Variants in P2RY12 observed in about 807,000 individuals in gnomAD.
P2RY12 encodes purinergic receptor P2Y12.
Under a neutral mutation model 4.5 loss-of-function variants are expected in P2RY12, and 3 were observed. The ratio of observed to expected loss-of-function variants is 0.67; its 90% CI spans 0.31 to 1.74. The LOEUF (loss-of-function observed/expected upper bound fraction) is 1.74, where lower values mean the gene tolerates loss of function less well. Ranked by LOEUF, P2RY12 falls within the 40% of genes most tolerant of loss-of-function variation. P2RY12 has a pLI of 0.09. For missense variants in P2RY12, 356 were observed against 407.8 expected (o/e 0.87, Z 1.09); for synonymous variants, 148 against 154.1 (o/e 0.96, Z 0.29).
chr3:151,344,779 C>T (rs1441090002), intron 1 of P2RY12, among the ~76,000 whole-genome samples: 2 of 152,180 alleles, frequency 1.3e-5, no homozygotes, highest in Non-Finnish European at 2.9e-5. Flanking sequence ...TTCATTTTTC[C>T]TTAAGGACAT....
At chr3:151,369,132 A>C (rs1197089422) in intron 1 of P2RY12, among the ~76,000 whole-genome samples, 1 of 152,200 alleles carries the variant, frequency 6.6e-6, no homozygotes, top group Non-Finnish European at 1.5e-5. Flanking sequence ...TCTGCTCCTA[A>C]AGATCATTTC....
chr3:151,354,165 G>A (rs1438536908), intron 1 of P2RY12, among the ~76,000 whole-genome samples: 954 of 76,276 alleles, frequency 0.013, no homozygotes, highest in East Asian at 0.045. Context: ...AAAAAAAAAA[G>A]AATCACAGTG....
At chr3:151,355,044 T>TA (rs981990195) in intron 1 of P2RY12, 60 of 1,044,448 alleles carry the variant, frequency 5.7e-5, no homozygotes, top group African/African-American at 8.0e-5. Flanking sequence ...TGCTATACTT[T>TA]AAAAAAAAGT....
chr3:151,368,629 T>TATTTC (rs1159385723), intron 1 of P2RY12, among the ~76,000 whole-genome samples: 7 of 92,902 alleles, frequency 7.5e-5, no homozygotes, highest in Middle Eastern at 0.011. Context: ...TATTTTATTT[T>TATTTC]ATTTCATTTC....
At chr3:151,365,057 C>T (rs1483994910) in intron 1 of P2RY12, 2 of 1,614,094 alleles carry the variant, frequency 1.2e-6, no homozygotes, top group Non-Finnish European at 1.7e-6. Flanking sequence ...GGGATCCAGA[C>T]TTCATGATGG....
chr3:151,384,018 A>AG, intron 1 of P2RY12: 2 of 1,541,844 alleles, frequency 1.3e-6, no homozygotes, highest in Admixed American at 3.8e-5. Context: ...TTGAATAAAA[A>AG]TACTCAGTTA....
chr3:151,380,076 CT>C, intron 1 of P2RY12: 2 of 1,289,112 alleles, frequency 1.6e-6, no homozygotes, highest in Non-Finnish European at 2.2e-6. Flanking sequence ...TGCATTATTT[CT>C]AACTAGATCT....
At chr3:151,349,380 A>G (rs1193321545) in intron 1 of P2RY12, among the ~76,000 whole-genome samples, 3 of 152,218 alleles carry the variant, frequency 2.0e-5, no homozygotes, top group Non-Finnish European at 4.4e-5. Context: ...AATGACACCT[A>G]CACGCTTTAT....
intron 1 of P2RY12, chr3:151,376,762 GA>G (rs779153678): frequency 4.4e-5 from 66 of 1,504,682 alleles, no homozygotes; most frequent in Non-Finnish European, 5.6e-5. Flanking sequence ...TAACACATTT[GA>G]TACCCATAAT....
At chr3:151,377,026 G>A (rs1372149867) in intron 1 of P2RY12, 3 of 1,613,984 alleles carry the variant, frequency 1.9e-6, no homozygotes, top group South Asian at 1.1e-5. Context: ...ACAACTTACT[G>A]GACAATATTG....
chr3:151,361,141 A>G (rs1019646241), intron 1 of P2RY12, among the ~76,000 whole-genome samples: 1 of 152,144 alleles, frequency 6.6e-6, no homozygotes, highest in Non-Finnish European at 1.5e-5. Flanking sequence ...TTTGGGCATT[A>G]CAGTGTTTCA....
chr3:151,356,748 A>T (rs1577423929), intron 1 of P2RY12, among the ~76,000 whole-genome samples: 1 of 152,226 alleles, frequency 6.6e-6, no homozygotes, highest in South Asian at 2.1e-4. Context: ...AAACCTTATG[A>T]TTTGATTTGC....
intron 1 of P2RY12, among the ~76,000 whole-genome samples, chr3:151,377,803 A>G (rs143114467): frequency 2.9e-4 from 44 of 152,328 alleles, no homozygotes; most frequent in African/African-American, 9.9e-4. Flanking sequence ...CCAGAACTGC[A>G]TGTTTTATTG....
intron 2 of P2RY12, among the ~76,000 whole-genome samples, chr3:151,339,397 CT>C (rs1375764385): frequency 2.7e-5 from 4 of 147,778 alleles, no homozygotes; most frequent in Admixed American, 6.8e-5. Flanking sequence ...GAAAATTACT[CT>C]TGGGAAACTT....
At chr3:151,338,893 C>T (rs776500797) in intron 2 of P2RY12, 34 bp from the exon 3 acceptor site, 53 of 1,584,258 alleles carry the variant, frequency 3.3e-5, no homozygotes, top group Non-Finnish European at 3.8e-5. Flanking sequence ...TTATTTTCAG[C>T]CTAAGGTAGT....
At position 151,355,171 on chromosome 3, in the gene P2RY12, A is replaced by G. The variant is rs756975808; in HGVS notation, c.-179-14411T>C. On this transcript the variant is annotated intron_variant, in intron 1 of 2. Coordinates refer to ENST00000302632, the MANE Select transcript of P2RY12 (RefSeq NM_022788.5). ...GAAGAACAAACAGGAGACATTTCCA[A>G]CACTGGAGACTGTGTTCACTAAACT... 11 of 1,614,108 alleles carry G rather than the reference A, an allele frequency of 6.8e-6. No homozygotes were observed. In the South Asian group the frequency reaches 9.9e-5, roughly 14 times the overall value.
intron 1 of P2RY12, chr3:151,360,427 C>T (rs2150075872): frequency 1.9e-6 from 3 of 1,576,084 alleles, no homozygotes; most frequent in Non-Finnish European, 2.6e-6. Context: ...TGATAACCCA[C>T]ATAGTACAAA....
intron 1 of P2RY12, among the ~76,000 whole-genome samples, chr3:151,342,223 A>T (rs990984668): frequency 7.9e-5 from 12 of 152,140 alleles, no homozygotes; most frequent in African/African-American, 2.9e-4. Flanking sequence ...ATTTCTCCAC[A>T]TCCTCTCCAA....
At chr3:151,370,502 A>G (rs1756038909) in intron 1 of P2RY12, among the ~76,000 whole-genome samples, 1 of 152,218 alleles carries the variant, frequency 6.6e-6, no homozygotes, top group Admixed American at 6.5e-5. Context: ...GAAAGGATAC[A>G]CACACGGGCC....
Sources: gnomAD v4.1 joint callset for allele counts (sites outside exome capture counted in the v4.1 genomes callset) on GRCh38, gnomAD v4.1.1 for gene constraint, MANE v1.5 for transcripts, NCBI Gene and HGNC (gene_info 2026-07-23, HGNC 2026-07-21) for gene names.